The following ZNF366 variants were observed in gnomAD, a reference collection of about 807,000 sequenced individuals.
ZNF366 encodes the protein dendritic cell-specific transcript protein.
A neutral mutation model predicts 47.2 loss-of-function variants in ZNF366; 20 were observed. The ratio of observed to expected loss-of-function variants is 0.42; its 90% confidence interval spans 0.30 to 0.62. The LOEUF (loss-of-function observed/expected upper bound fraction) is 0.62. Ranked by LOEUF, ZNF366 falls within the 20% of genes least tolerant of loss-of-function variation. The pLI is 0.16. For missense variants in ZNF366, 987 were observed against 976.3 expected, an observed-to-expected ratio of 1.01 and a Z score of -0.15; for synonymous variants, 421 against 395.1, an observed-to-expected ratio of 1.07 and a Z score of -0.78.
chr5:72,450,001 G>A (rs150516569), intron 3 of ZNF366, among the ~76,000 whole-genome samples: 75 of 152,274 alleles, frequency 4.9e-4, no homozygotes, highest in African/African-American at 1.7e-3. Context: ...GAAGTGACAA[G>A]CACCTTCTGC....
chr5:72,455,641 G>A (rs371192195), intron 3 of ZNF366, among the ~76,000 whole-genome samples: 54 of 152,298 alleles, frequency 3.5e-4, no homozygotes, highest in African/African-American at 1.3e-3. Context: ...GCATTTCTGA[G>A]TAATGCCCGT....
intron 4 of ZNF366, among the ~76,000 whole-genome samples, chr5:72,446,048 C>T (rs73104433): frequency 1.3e-5 from 2 of 152,126 alleles, no homozygotes; most frequent in Non-Finnish European, 2.9e-5. Context: ...TTGTCCACTC[C>T]ACCATCTCTT....
chr5:72,487,606 G>A (rs1464998641), intron 1 of ZNF366, among the ~76,000 whole-genome samples: 1 of 151,972 alleles, frequency 6.6e-6, no homozygotes, highest in Admixed American at 6.6e-5. Context: ...GCTGCCAAGG[G>A]TCAACTACCA....
At chr5:72,446,407 C>T (rs552269099) in intron 4 of ZNF366, among the ~76,000 whole-genome samples, 2 of 152,318 alleles carry the variant, frequency 1.3e-5, no homozygotes, top group South Asian at 2.1e-4. Flanking sequence ...TCTGCCGCTG[C>T]GTGTAGTTCA....
At position 72,456,482 on chromosome 5, in the gene ZNF366, G is replaced by A. The variant is rs776292504; in HGVS notation, c.1446C>T (p.Cys482=). 41 of 1,613,886 alleles carry A rather than the reference G, an allele frequency of 2.5e-5. 1 individual carries two copies. The South Asian group carries it at 4.1e-4, about 16-fold the overall frequency. ...TNIRAYQCHL[C]YKSFVQKQTL... ...TCTGCTTCTGCACGAAGCTCTTGTA[G>A]CAGAGGTGACACTGGTAGGCGCGGA... is the stretch of plus-strand genomic sequence containing the variant. The change falls in exon 3 of 5, where the codon TGC becomes TGT. Residue 482 remains cysteine, a synonymous_variant. Coordinates refer to ENST00000318442, the MANE Select transcript of ZNF366 (RefSeq NM_152625.3).
intron 2 of ZNF366, among the ~76,000 whole-genome samples, chr5:72,458,779 A>T (rs1436793332): frequency 3.3e-5 from 5 of 152,244 alleles, no homozygotes; most frequent in Non-Finnish European, 7.3e-5. Flanking sequence ...TGTTCAACAA[A>T]TACTACCTCT....
At position 72,500,120 on chromosome 5, in the gene ZNF366, G is replaced by T. The variant is rs558337097; in HGVS notation, c.-15+7131C>A. Among the ~76,000 whole-genome samples, 72 of 152,306 alleles carry T rather than the reference G, an allele frequency of 4.7e-4. 1 individual carries two copies. Among genetic ancestry groups the T allele is most frequent in the African/African-American group, 1.7e-3 (69 of 41,558 alleles). Reference sequence around the variant, plus strand: ...CCTCTTTGGCTGTGATGCTGGAGAAGCGGGTCCTCCCTTTCTCCCTGAGGA... The same window carrying T: ...CCTCTTTGGCTGTGATGCTGGAGAATCGGGTCCTCCCTTTCTCCCTGAGGA... On this transcript the variant is annotated intron_variant, in intron 1 of 4. Coordinates refer to ENST00000318442, the MANE Select transcript of ZNF366 (RefSeq NM_152625.3).
chr5:72,471,985 C>A (rs558766446), intron 1 of ZNF366, among the ~76,000 whole-genome samples: 2 of 152,138 alleles, frequency 1.3e-5, no homozygotes, highest in African/African-American at 4.8e-5. Context: ...TTCACCCAGG[C>A]TTTTTCTTTG....
At chr5:72,465,951 G>C (rs1203245638) in intron 1 of ZNF366, among the ~76,000 whole-genome samples, 2 of 152,194 alleles carry the variant, frequency 1.3e-5, no homozygotes, top group Non-Finnish European at 2.9e-5. Context: ...AATTTAGAAT[G>C]TGTATGAGAA....
intron 1 of ZNF366, among the ~76,000 whole-genome samples, chr5:72,477,060 T>C (rs1744482893): frequency 6.6e-6 from 1 of 152,210 alleles, no homozygotes; most frequent in African/African-American, 2.4e-5. Flanking sequence ...CTGCTGGTTT[T>C]TCAACTCCCT....
intron 3 of ZNF366, among the ~76,000 whole-genome samples, chr5:72,453,900 T>A (rs1215664402): frequency 6.6e-6 from 1 of 152,174 alleles, no homozygotes; most frequent in Admixed American, 6.5e-5. Context: ...CCCTTTCACA[T>A]CCAATTCTTT....
intron 1 of ZNF366, among the ~76,000 whole-genome samples, chr5:72,504,897 G>C (rs1002214106): frequency 6.6e-6 from 1 of 152,158 alleles, no homozygotes; most frequent in Admixed American, 6.5e-5. Context: ...CTGAGATTTA[G>C]AGCAGTTAAG....
At chr5:72,503,303 A>G (rs972460222) in intron 1 of ZNF366, among the ~76,000 whole-genome samples, 1 of 152,198 alleles carries the variant, frequency 6.6e-6, no homozygotes, top group Non-Finnish European at 1.5e-5. Flanking sequence ...ACTCAGAACT[A>G]TCTTCTAGAG....
At chr5:72,504,282 G>A (rs1442909335) in intron 1 of ZNF366, among the ~76,000 whole-genome samples, 5 of 151,934 alleles carry the variant, frequency 3.3e-5, no homozygotes, top group Non-Finnish European at 7.4e-5. Context: ...GTACAACCAC[G>A]ATGGTCTCCA....
In ZNF366 at chr5:72,461,555, A is replaced by T; in HGVS notation, c.-14-45T>A. 2.0e-6 allele frequency: 3 copies of T among 1,514,708 alleles called. No homozygotes were observed. The South Asian group carries it at 4.1e-5, about 21-fold the overall frequency. The allele number at this position is 1,514,708 out of a possible 1,614,324, so 93.8% of individuals were successfully genotyped here. ...TGTGTGTTTTGGTTTGGTTTTGTTT[A>T]AAATTCTCTTTTTCCTTAAGGATTA... On this transcript the variant is annotated intron_variant, in intron 1 of 4. Coordinates refer to ENST00000318442, the MANE Select transcript of ZNF366 (RefSeq NM_152625.3).
intron 1 of ZNF366, among the ~76,000 whole-genome samples, chr5:72,483,867 G>C (rs1339737442): frequency 1.3e-5 from 2 of 152,096 alleles, no homozygotes; most frequent in East Asian, 3.9e-4. Flanking sequence ...TCTGTACCAT[G>C]AGGGATACAC....
intron 1 of ZNF366, among the ~76,000 whole-genome samples, chr5:72,496,074 A>G (rs1447085363): frequency 6.6e-6 from 1 of 152,126 alleles, no homozygotes; most frequent in Non-Finnish European, 1.5e-5. Flanking sequence ...CTCCCTTATC[A>G]GAACTTATAA....
Position 72,451,492 on chromosome 5 carries a change from T to C in ZNF366, c.1525-4075A>G, listed in dbSNP as rs779484664. Among the ~76,000 whole-genome samples the C allele has an allele frequency of 1.1e-4, 16 of 152,328 alleles. No individual in the cohort carries two copies. The East Asian group carries it at 2.9e-3, about 27-fold the overall frequency. On this transcript the variant is annotated intron_variant, in intron 3 of 4. Transcript: ENST00000318442. The stretch of plus-strand genomic sequence containing the variant: ...TTCTGTATAATGTTGATAATAGTCA[T>C]TGTTTCCTATGAAGGTTGTTGTGAG...
At chr5:72,459,258 C>G (rs1000051475) in intron 2 of ZNF366, among the ~76,000 whole-genome samples, 2 of 152,180 alleles carry the variant, frequency 1.3e-5, no homozygotes, top group African/African-American at 4.8e-5. Flanking sequence ...TTAAAGAATG[C>G]TTTAGAAACT....
Sources: gnomAD v4.1 joint callset for allele counts (sites outside exome capture counted in the v4.1 genomes callset) on GRCh38, gnomAD v4.1.1 for gene constraint, MANE v1.5 for transcripts, NCBI Gene and HGNC (gene_info 2026-07-23, HGNC 2026-07-21) for gene names.